RGS12: variants seen among roughly 807,000 people sequenced by gnomAD.
The protein encoded by RGS12 is regulator of G-protein signaling 12.
In RGS12, 66 loss-of-function variants were observed where a neutral mutation model predicts 120.1. The observed-to-expected ratio is 0.55, with a 90% CI of 0.45 to 0.67. The LOEUF is 0.67. Ranked by LOEUF, RGS12 falls within the 30% of genes least tolerant of loss-of-function variation. The pLI is 0.00. For synonymous variants in RGS12, 827 were observed against 804.7 expected (o/e 1.03, Z -0.47); for missense variants, 1,859 against 1,957.7 (o/e 0.95, Z 0.95).
intron 14 of RGS12, among the ~76,000 whole-genome samples, chr4:3,427,090 C>T (rs1009653053): frequency 2.0e-5 from 3 of 152,330 alleles, no homozygotes; most frequent in Admixed American, 6.5e-5. Flanking sequence ...CCCAACTCCT[C>T]ACAGAGCAGA....
rs377182702 is a variant in RGS12, at chr4:3,417,457, C to T, written c.2677C>T (p.Arg893Trp). 9.3e-6 allele frequency: 15 copies of T among 1,612,198 alleles called. No homozygotes were observed. The highest frequency in any genetic ancestry group is 1.7e-5 in the Admixed American group (1 of 59,812). Residue 893 changes from arginine to tryptophan, a missense_variant, in exon 9 of 18, where the codon CGG (arginine) becomes TGG (tryptophan). Arg to Trp is a moderately radical substitution (Grantham distance 101). This residue lies in a region of RGS12 where 375 missense variants were observed against 475.0 expected (regional missense o/e 0.79). Transcript: ENST00000336727. ...GGGGGATGAGGACAGCGAGAAGAAG[C>T]GGAAAGGCGCGTTTTTCTCGTGGTC... ...ELGDEDSEKK[R>W]KGAFFSWSRT...
chr4:3,364,745 C>T (rs1401309394), intron 3 of RGS12, among the ~76,000 whole-genome samples: 1 of 151,984 alleles, frequency 6.6e-6, no homozygotes, highest in Non-Finnish European at 1.5e-5. Context: ...AAATTTATTG[C>T]CGGGAGCTGA....
At chr4:3,322,861 C>A (rs1257723444) in intron 2 of RGS12, among the ~76,000 whole-genome samples, 1 of 152,166 alleles carries the variant, frequency 6.6e-6, no homozygotes, top group Non-Finnish European at 1.5e-5. Flanking sequence ...AGTCCTGAGA[C>A]CACAGCACTT....
chr4:3,370,556 A>C (rs1716872563), intron 3 of RGS12, among the ~76,000 whole-genome samples: 1 of 152,220 alleles, frequency 6.6e-6, no homozygotes, highest in Non-Finnish European at 1.5e-5. Context: ...GCCGGCCTCA[A>C]CCCCTCGGGA....
rs900473172 is a variant in RGS12 at position 3,366,802 on chromosome 4, G to A, written c.1999-19614G>A. 6.6e-6 allele frequency among the ~76,000 whole-genome samples: 1 copy of A among 152,178 alleles called. No homozygotes were observed. The highest frequency in any genetic ancestry group is 1.5e-5 in the Non-Finnish European group (1 of 68,030). ...AGAGGCCTGGGAGACAGGTGAGTCT[G>A]TAAGGAGGCCCAGAGTCAAGGAGGA... On this transcript the variant is annotated intron_variant, in intron 3 of 17. Coordinates refer to ENST00000336727, the MANE Select transcript of RGS12 (RefSeq NM_001394154.1). This position sits in a 1 kb window ranked among gnomAD's most constrained non-coding sequence, Gnocchi z 4.0.
upstream of RGS12, among the ~76,000 whole-genome samples, chr4:3,288,218 G>A (rs749422158): frequency 5.9e-4 from 89 of 152,118 alleles, 1 homozygote; most frequent in Non-Finnish European, 1.9e-4. This position sits in a 1 kb window ranked among gnomAD's most constrained non-coding sequence, Gnocchi z 5.2. Context: ...TCTGGTGGGC[G>A]TGTGGGAGGG....
intron 9 of RGS12, chr4:3,419,486 C>T (rs1325801878): frequency 2.7e-5 from 2 of 74,976 alleles, no homozygotes; most frequent in Non-Finnish European, 4.9e-5. Flanking sequence ...AAGACTGTCT[C>T]AAAATAAATA....
chr4:3,429,951 C>G (rs879551864), intron 16 of RGS12, among the ~76,000 whole-genome samples: 11 of 152,174 alleles, frequency 7.2e-5, no homozygotes, highest in Non-Finnish European at 1.6e-4. Flanking sequence ...CGGGTTCATT[C>G]TGCTCCCGAC....
At chr4:3,391,804 G>A (rs1014102849) in intron 4 of RGS12, among the ~76,000 whole-genome samples, 5 of 151,556 alleles carry the variant, frequency 3.3e-5, no homozygotes, top group South Asian at 4.2e-4. Flanking sequence ...GTTTGGGGGC[G>A]TCAGAGAGGG....
At chr4:3,362,764 A>G (rs1715795570) in intron 3 of RGS12, among the ~76,000 whole-genome samples, 1 of 113,850 alleles carries the variant, frequency 8.8e-6, no homozygotes, top group Admixed American at 9.0e-5. Context: ...TGAAGATGTG[A>G]GGGTGTGAGT....
At chr4:3,342,655 G>A (rs1476406753) in intron 2 of RGS12, 7 of 1,144,014 alleles carry the variant, frequency 6.1e-6, no homozygotes, top group Admixed American at 4.6e-5. Context: ...GTGGGCTGCC[G>A]TCATCCTGTT....
chr4:3,396,162 G>A (rs181210147), intron 4 of RGS12, among the ~76,000 whole-genome samples: 105 of 152,184 alleles, frequency 6.9e-4, no homozygotes, highest in Non-Finnish European at 1.4e-3. Flanking sequence ...GCAGAACTGT[G>A]GGTGCGGAGG....
chr4:3,401,106 A>C (rs1376027788), intron 4 of RGS12, among the ~76,000 whole-genome samples: 1 of 152,226 alleles, frequency 6.6e-6, no homozygotes, highest in African/African-American at 2.4e-5. Context: ...GTTCAGTGAG[A>C]TCAACCCTGG....
intron 3 of RGS12, among the ~76,000 whole-genome samples, chr4:3,361,166 G>A (rs547768806): frequency 2.0e-5 from 3 of 152,244 alleles, no homozygotes; most frequent in South Asian, 4.2e-4. Context: ...GCAAGAGAAC[G>A]CACCTGTGTC....
At chr4:3,409,110 C>T (rs538747442) in intron 4 of RGS12, among the ~76,000 whole-genome samples, 3 of 152,328 alleles carry the variant, frequency 2.0e-5, no homozygotes, top group South Asian at 4.1e-4. Context: ...CTGGCACCCA[C>T]ACCGCCCCCA....
chr4:3,417,281 A>G, intron 8 of RGS12, 107 bp from the exon 9 acceptor site: 1 of 1,349,064 alleles, frequency 7.4e-7, no homozygotes, highest in East Asian at 2.5e-5. Flanking sequence ...AAGTGATACC[A>G]TCCCATAGAG....
chr4:3,356,050 A>ATTT (rs35966486), intron 3 of RGS12, among the ~76,000 whole-genome samples: 2 of 123,440 alleles, frequency 1.6e-5, no homozygotes, highest in African/African-American at 3.2e-5. Flanking sequence ...ATCTTTTTCA[A>ATTT]TTTTTTTTTT....
At chr4:3,299,380 G>A (rs13150521) in intron 1 of RGS12, among the ~76,000 whole-genome samples, 7,748 of 152,096 alleles carry the variant, frequency 0.051, 229 homozygotes, top group South Asian at 0.095. Flanking sequence ...ACTTCTACCT[G>A]TGCTCTAGCC....
At chr4:3,306,664 C>G (rs552627055) in intron 1 of RGS12, among the ~76,000 whole-genome samples, 1 of 152,158 alleles carries the variant, frequency 6.6e-6, no homozygotes, top group Non-Finnish European at 1.5e-5. Flanking sequence ...TGCACAGGGC[C>G]TGGGGAGGCA....
Sources: allele counts gnomAD v4.1 joint callset (sites outside exome capture counted in the v4.1 genomes callset), GRCh38; gene constraint gnomAD v4.1.1; regional missense constraint gnomAD v4.1.1; non-coding constraint Gnocchi (gnomAD v3.1); transcripts MANE v1.5; gene names NCBI Gene and HGNC (gene_info 2026-07-23, HGNC 2026-07-21).